The following MYO10 variants were observed in gnomAD, a reference collection of about 807,000 sequenced individuals.
MYO10 encodes the protein unconventional myosin-X.
MYO10 carries 133 observed loss-of-function variants against 257.3 expected under a neutral mutation model. The ratio of observed to expected loss-of-function variants is 0.52; its 90% confidence interval spans 0.45 to 0.60. The LOEUF (loss-of-function observed/expected upper bound fraction) is 0.60, where lower values mean the gene tolerates loss of function less well. MYO10 is among the 20% of genes least tolerant of loss of function. The pLI is 0.00. For missense variants in MYO10, 2,399 were observed against 2,635.7 expected, an observed-to-expected ratio of 0.91 and a Z score of 1.97; for synonymous variants, 1,104 against 1,028.6, an observed-to-expected ratio of 1.07 and a Z score of -1.40.
intron 3 of MYO10, among the ~76,000 whole-genome samples, chr5:16,804,590 T>C (rs1434850954): frequency 1.3e-5 from 2 of 152,260 alleles, no homozygotes; most frequent in African/African-American, 2.4e-5. Flanking sequence ...AGACAAATTA[T>C]GGTCGCGCGC....
chr5:16,882,831 G>A (rs1156676383), intron 1 of MYO10, among the ~76,000 whole-genome samples: 1 of 151,942 alleles, frequency 6.6e-6, no homozygotes, highest in Admixed American at 6.5e-5. Flanking sequence ...TTATATACAT[G>A]TGCTGAAAAT....
chr5:16,726,568 G>C (rs976062758), intron 19 of MYO10, among the ~76,000 whole-genome samples: 1 of 152,116 alleles, frequency 6.6e-6, no homozygotes, highest in Middle Eastern at 3.2e-3. Flanking sequence ...TCCAGGCATC[G>C]TGACAGCCAA....
chr5:16,926,866 T>C (rs1420195242), intron 1 of MYO10, among the ~76,000 whole-genome samples: 1 of 152,192 alleles, frequency 6.6e-6, no homozygotes, highest in Non-Finnish European at 1.5e-5. Context: ...AAATATACTA[T>C]GGAGTATACG....
Position 16,888,543 on chromosome 5 carries a change from C to T in MYO10, c.22-10836G>A, listed in dbSNP as rs1561040437. On this transcript the variant is annotated intron_variant, in intron 1 of 40. Coordinates refer to ENST00000513610, the MANE Select transcript of MYO10 (RefSeq NM_012334.3). ...CCAGGAGGGAGAGGTTGTGGTGAGC[C>T]GAAATTGCGCCACTGCACTCCAGCC... Among the ~76,000 whole-genome samples the T allele has an allele frequency of 2.0e-5, 3 of 151,370 alleles. No individual in the cohort carries two copies. In the East Asian group the frequency reaches 5.8e-4, roughly 29 times the overall value.
chr5:16,860,540 A>C (rs1744077987), intron 2 of MYO10, among the ~76,000 whole-genome samples: 1 of 152,222 alleles, frequency 6.6e-6, no homozygotes, highest in Admixed American at 6.5e-5. Flanking sequence ...CCCAGTGGTT[A>C]TGAAGCAGCT....
At chr5:16,844,464 T>A (rs1478459853) in intron 2 of MYO10, among the ~76,000 whole-genome samples, 3 of 152,078 alleles carry the variant, frequency 2.0e-5, no homozygotes, top group African/African-American at 7.2e-5. Context: ...ATGAAAGTAA[T>A]TATGGTAAGA....
At chr5:16,893,489 C>T (rs866831488) in intron 1 of MYO10, among the ~76,000 whole-genome samples, 1 of 151,812 alleles carries the variant, frequency 6.6e-6, no homozygotes, top group Non-Finnish European at 1.5e-5. Context: ...CAAAAATTAG[C>T]CAGGTGTGGT....
intron 28 of MYO10, among the ~76,000 whole-genome samples, chr5:16,688,184 T>C (rs1372820279): frequency 2.0e-5 from 3 of 152,206 alleles, no homozygotes; most frequent in Admixed American, 2.0e-4. Flanking sequence ...CCAGACAGAA[T>C]GATGGGCTAT....
In MYO10 at chr5:16,670,679, G is replaced by A. The variant is rs370880836; in HGVS notation, c.5730C>T (p.Asp1910=). 8.4e-5 allele frequency: 135 copies of A among 1,613,886 alleles called. No individual in the cohort carries two copies. Among genetic ancestry groups the A allele is most frequent in the Non-Finnish European group, 1.1e-4 (130 of 1,179,900 alleles). The part of the protein sequence containing the change: ...RQKVEEEQML[D]MWIKEEVSSA... ...AGGAGACTTCTTCCTTAATCCACAT[G>A]TCCAGCATCTGCTCCTCCTCGACCT... The change falls in exon 39 of 41, where the codon GAC becomes GAT. Residue 1910 remains aspartate, a synonymous_variant. Transcript: ENST00000513610.
chr5:16,884,309 C>T (rs1355365972), intron 1 of MYO10, among the ~76,000 whole-genome samples: 2 of 152,042 alleles, frequency 1.3e-5, no homozygotes, highest in Non-Finnish European at 2.9e-5. Context: ...GTGGGAGGAT[C>T]ACCTGAGGCT....
At chr5:16,796,273 A>G (rs1391325763) in intron 3 of MYO10, among the ~76,000 whole-genome samples, 2 of 149,292 alleles carry the variant, frequency 1.3e-5, no homozygotes, top group African/African-American at 2.5e-5. Context: ...GAAAGAAAGA[A>G]GGAAAGAAAG....
rs1288950690 is a variant in MYO10 at position 16,662,913 on chromosome 5, T to A, written c.*3779A>T. On this transcript the variant is annotated 3_prime_UTR_variant, in exon 41 of 41. Coordinates refer to ENST00000513610, the MANE Select transcript of MYO10 (RefSeq NM_012334.3). ...TGCTGTCCACCATGATTGTGAGGCCTCCCCAGGCATGTGAGACTGAGTCCA... is the reference window on the plus strand; with the variant it reads ...TGCTGTCCACCATGATTGTGAGGCCACCCCAGGCATGTGAGACTGAGTCCA... 1 of 152,028 alleles carries A rather than the reference T, an allele frequency of 6.6e-6. No homozygotes were observed. Among genetic ancestry groups the A allele is most frequent in the East Asian group, 1.9e-4 (1 of 5,196 alleles). The allele number at this position is 152,028 out of a possible 1,614,324, so 9.4% of individuals were successfully genotyped here.
At position 16,670,796 on chromosome 5, in the gene MYO10, G is replaced by A. The variant is rs765609523; in HGVS notation, c.5613C>T (p.Phe1871=). ...KARISQSTKT[F]TPCERLEKRR... is the part of the protein sequence containing the mutation. ...TCTTCTCCAGCCGTTCACAAGGGGTGAAGGTTTTGGTTGACTGGCTGATGC... is the reference window on the plus strand; with the variant it reads ...TCTTCTCCAGCCGTTCACAAGGGGTAAAGGTTTTGGTTGACTGGCTGATGC... The change falls in exon 39 of 41, where the codon TTC becomes TTT. Residue 1871 remains phenylalanine, a synonymous_variant. Transcript: ENST00000513610. 2 of 1,614,056 alleles carry A rather than the reference G, an allele frequency of 1.2e-6. No individual in the cohort carries two copies. The highest frequency in any genetic ancestry group is 2.2e-5 in the East Asian group (1 of 44,882).
intron 19 of MYO10, among the ~76,000 whole-genome samples, chr5:16,725,890 C>T (rs542075753): frequency 1.5e-4 from 22 of 151,126 alleles, no homozygotes; most frequent in South Asian, 1.0e-3. Flanking sequence ...TGGGTTCAAG[C>T]GAATCTCCTG....
chr5:16,681,259 C>T (rs1233860810), intron 32 of MYO10, 50 bp downstream of exon 32: 1 of 1,546,842 alleles, frequency 6.5e-7, no homozygotes, highest in East Asian at 2.2e-5. Context: ...CCGGAGCAAG[C>T]CCAGACTTTA....
chr5:16,699,314 A>C, intron 26 of MYO10, 136 bp downstream of exon 26: 1 of 1,193,550 alleles, frequency 8.4e-7, no homozygotes, highest in Non-Finnish European at 1.1e-6. Context: ...GGGTAGGTAG[A>C]ACGACTTTCC....
In MYO10 at chr5:16,685,972, T is replaced by C. The variant is rs538871092; in HGVS notation, c.3897-141A>G. 4 of 643,580 alleles carry C rather than the reference T, an allele frequency of 6.2e-6. No individual in the cohort carries two copies. The African/African-American group carries it at 7.2e-5, about 12-fold the overall frequency. 39.9% of individuals were successfully genotyped at this position (643,580 alleles called of 1,614,324 possible). ...TTTGATTACTTCTTAGGGGTAAATG[T>C]CAGTTTCATTACCAAAGAATAAAGT... is the stretch of plus-strand genomic sequence containing the variant. On this transcript the variant is annotated intron_variant, in intron 28 of 40. Transcript: ENST00000513610.
At chr5:16,838,418 C>G (rs1743377128) in intron 2 of MYO10, among the ~76,000 whole-genome samples, 1 of 152,194 alleles carries the variant, frequency 6.6e-6, no homozygotes, top group East Asian at 1.9e-4. Context: ...TCAGCCAAAG[C>G]TTAATCCAGA....
chr5:16,790,141 CCAAA>C (rs1185348373), intron 4 of MYO10, among the ~76,000 whole-genome samples: 1 of 151,878 alleles, frequency 6.6e-6, no homozygotes, highest in African/African-American at 2.4e-5. Context: ...TAGAAAAAGA[CCAAA>C]CACTCAATTA....
Sources: gnomAD v4.1 joint callset for allele counts (sites outside exome capture counted in the v4.1 genomes callset) on GRCh38, gnomAD v4.1.1 for gene constraint, MANE v1.5 for transcripts, NCBI Gene and HGNC (gene_info 2026-07-23, HGNC 2026-07-21) for gene names.